SAMD4A: variants seen among roughly 807,000 people sequenced by gnomAD.
SAMD4A encodes protein Smaug homolog 1.
Under a neutral mutation model 81.3 loss-of-function variants are expected in SAMD4A, and 33 were observed. The observed-to-expected ratio is 0.41, with a 90% CI of 0.31 to 0.54. The LOEUF is 0.54. Ranked by LOEUF, SAMD4A falls within the 20% of genes least tolerant of loss-of-function variation. SAMD4A has a pLI of 0.37. For missense variants in SAMD4A, 854 were observed against 951.1 expected (o/e 0.90, Z 1.34); for synonymous variants, 389 against 382.1 (o/e 1.02, Z -0.21).
intron 2 of SAMD4A, among the ~76,000 whole-genome samples, chr14:54,686,559 G>GAAA (rs397780447): frequency 6.9e-5 from 10 of 144,696 alleles, no homozygotes; most frequent in Admixed American, 2.0e-4. Flanking sequence ...TGGCTAACCA[G>GAAA]AAAAAAAAAA....
intron 3 of SAMD4A, among the ~76,000 whole-genome samples, chr14:54,731,305 G>A (rs2037553602): frequency 2.0e-5 from 3 of 152,160 alleles, no homozygotes; most frequent in Non-Finnish European, 4.4e-5. Context: ...TTTCAGCAAA[G>A]GTTCTAGTGA....
chr14:54,762,144 T>TTTC (rs2038417062), intron 7 of SAMD4A, among the ~76,000 whole-genome samples: 1 of 152,208 alleles, frequency 6.6e-6, no homozygotes, highest in Non-Finnish European at 1.5e-5. Flanking sequence ...AGAGCGCCCC[T>TTTC]TTCTACCTGG....
intron 2 of SAMD4A, among the ~76,000 whole-genome samples, chr14:54,605,270 A>G (rs1039756456): frequency 6.8e-6 from 1 of 148,006 alleles, no homozygotes; most frequent in East Asian, 2.0e-4. Flanking sequence ...TGGAGAAAGC[A>G]AAAAAAAAAC....
chr14:54,775,009 C>A lies in SAMD4A; in HGVS notation c.1791C>A (p.Arg597=). Residue 597 remains arginine, a synonymous_variant, in exon 10 of 13, where the codon CGC becomes CGA. Coordinates refer to ENST00000554335, the MANE Select transcript of SAMD4A (RefSeq NM_015589.6). The part of the protein sequence containing the change: ...VGGGMGRRNP[R]QYQIPSRNVP... ...GTGGCATGGGCAGACGGAACCCGCG[C>A]CAGTACCAGATCCCCTCTCGGAACG... 6.2e-7 allele frequency: 1 copy of A among 1,614,182 alleles called. No individual in the cohort carries two copies. The highest frequency in any genetic ancestry group is 8.5e-7 in the Non-Finnish European group (1 of 1,180,032).
chr14:54,565,458 G>C (rs1402084987), upstream of SAMD4A, among the ~76,000 whole-genome samples: 1 of 152,234 alleles, frequency 6.6e-6, no homozygotes, highest in East Asian at 1.9e-4. This position sits in a 1 kb window ranked among gnomAD's most constrained non-coding sequence, Gnocchi z 5.4. Flanking sequence ...TCCGGCACCC[G>C]ACCCGGGCCA....
chr14:54,781,677 C>G (rs79357712), intron 11 of SAMD4A, among the ~76,000 whole-genome samples: 2,535 of 152,268 alleles, frequency 0.017, 39 homozygotes, highest in South Asian at 0.049. Context: ...GGGGCAGGGG[C>G]CTGGGATAAA....
At chr14:54,773,978 T>C (rs191503143) in intron 9 of SAMD4A, among the ~76,000 whole-genome samples, 118 of 152,282 alleles carry the variant, frequency 7.7e-4, no homozygotes, top group African/African-American at 2.7e-3. Flanking sequence ...GAAACAATGA[T>C]AGGATTAAAG....
At chr14:54,589,506 C>T (rs1253306727) in intron 2 of SAMD4A, among the ~76,000 whole-genome samples, 2 of 152,054 alleles carry the variant, frequency 1.3e-5, no homozygotes, top group East Asian at 3.8e-4. Flanking sequence ...TGTAATAAGC[C>T]TATTGATATT....
At chr14:54,623,483 CAAAAAAAAAAAAAAA>C (rs59768858) in intron 2 of SAMD4A, among the ~76,000 whole-genome samples, 2 of 45,952 alleles carry the variant, frequency 4.4e-5, no homozygotes, top group African/African-American at 8.1e-5. Flanking sequence ...TGGACATCAG[CAAAAAAAAAAAAAAA>C]AAAAAAAAAA....
intron 6 of SAMD4A, among the ~76,000 whole-genome samples, chr14:54,753,325 A>G (rs1332391043): frequency 6.6e-6 from 1 of 152,262 alleles, no homozygotes; most frequent in African/African-American, 2.4e-5. Flanking sequence ...TGGTTTATTG[A>G]GACTAGAGAA....
chr14:54,587,600 A>G (rs2033658723), intron 2 of SAMD4A, among the ~76,000 whole-genome samples: 3 of 152,076 alleles, frequency 2.0e-5, no homozygotes, highest in African/African-American at 4.8e-5. Context: ...TCATAAAGGG[A>G]TGCTGGATTT....
At position 54,752,483 on chromosome 14, in the gene SAMD4A, G is replaced by T. The variant is rs78441716; in HGVS notation, c.1176+946G>T. The stretch of plus-strand genomic sequence containing the variant: ...TAATCCCAGGGAGCTTTTGGATTTT[G>T]GAAGGGAACAGAGTATTGAGGGAGG... On this transcript the variant is annotated intron_variant, in intron 6 of 12. Coordinates refer to ENST00000554335, the MANE Select transcript of SAMD4A (RefSeq NM_015589.6). Among the ~76,000 whole-genome samples the T allele has an allele frequency of 5.8e-3, 879 of 152,326 alleles. 14 individuals carry two copies. The highest frequency in any genetic ancestry group is 0.02 in the African/African-American group (844 of 41,564).
intron 11 of SAMD4A, among the ~76,000 whole-genome samples, chr14:54,783,583 C>G (rs774008907): frequency 1.7e-4 from 26 of 152,224 alleles, no homozygotes; most frequent in Non-Finnish European, 3.2e-4. Context: ...TGTCTCAGCC[C>G]TTGATTCTAG....
intron 2 of SAMD4A, among the ~76,000 whole-genome samples, chr14:54,685,110 A>G (rs1010405382): frequency 1.3e-5 from 2 of 152,204 alleles, no homozygotes; most frequent in Non-Finnish European, 2.9e-5. Flanking sequence ...TTTTTTTATC[A>G]TAACATAAAA....
At chr14:54,660,415 G>A (rs141005696) in intron 2 of SAMD4A, among the ~76,000 whole-genome samples, 2 of 152,316 alleles carry the variant, frequency 1.3e-5, no homozygotes, top group East Asian at 1.9e-4. Flanking sequence ...CCAGCATAAA[G>A]TTTTGTCACA....
chr14:54,711,334 A>G (rs754338112), intron 3 of SAMD4A, among the ~76,000 whole-genome samples: 13 of 152,182 alleles, frequency 8.5e-5, no homozygotes, highest in African/African-American at 2.9e-4. Context: ...TACCTTGATT[A>G]TAGAGATAGT....
Position 54,684,899 on chromosome 14 carries a change from C to A in SAMD4A, c.197-17163C>A, listed in dbSNP as rs545061512. Among the ~76,000 whole-genome samples, 75 of 152,282 alleles carry A rather than the reference C, an allele frequency of 4.9e-4. No individual in the cohort carries two copies. In the South Asian group the frequency reaches 0.015, roughly 29 times the overall value. Reference sequence around the variant, plus strand: ...GCGGGACCTGGAAGGAGAAGCTGAGCGCAGTCCACCATTCAGTTCTGGGTA... The same window carrying A: ...GCGGGACCTGGAAGGAGAAGCTGAGAGCAGTCCACCATTCAGTTCTGGGTA... On this transcript the variant is annotated intron_variant, in intron 2 of 12. Coordinates refer to ENST00000554335, the MANE Select transcript of SAMD4A (RefSeq NM_015589.6).
chr14:54,631,080 G>A (rs1469164918), intron 2 of SAMD4A, among the ~76,000 whole-genome samples: 1 of 151,876 alleles, frequency 6.6e-6, no homozygotes, highest in East Asian at 1.9e-4. Context: ...CAAAACATGG[G>A]AAAAGCTGAT....
chr14:54,691,227 A>G lies in SAMD4A; in HGVS notation c.197-10835A>G, dbSNP rs944042841. On this transcript the variant is annotated intron_variant, in intron 2 of 12. Coordinates refer to ENST00000554335, the MANE Select transcript of SAMD4A (RefSeq NM_015589.6). ...CCTTTGTTGTAGAATTCTAGATGGCAGCATGCTTGCAACTTGGGAAGGATG... is the reference window on the plus strand; with the variant it reads ...CCTTTGTTGTAGAATTCTAGATGGCGGCATGCTTGCAACTTGGGAAGGATG... Among the ~76,000 whole-genome samples the G allele has an allele frequency of 2.0e-5, 3 of 152,172 alleles. No homozygotes were observed. The South Asian group carries it at 6.2e-4, about 32-fold the overall frequency.
Sources: gnomAD v4.1 joint callset for allele counts (sites outside exome capture counted in the v4.1 genomes callset) on GRCh38, gnomAD v4.1.1 for gene constraint, Gnocchi (gnomAD v3.1) non-coding constraint, MANE v1.5 for transcripts, NCBI Gene and HGNC (gene_info 2026-07-23, HGNC 2026-07-21) for gene names.